The following SDHB variants were observed in gnomAD, a reference collection of about 807,000 sequenced individuals.
The protein encoded by SDHB is succinate dehydrogenase [ubiquinone] iron-sulfur subunit, mitochondrial.
In SDHB, 21 loss-of-function variants were observed where a neutral mutation model predicts 39.7. The ratio of observed to expected loss-of-function variants is 0.53; its 90% confidence interval spans 0.37 to 0.76. The LOEUF is 0.76. Ranked by LOEUF, SDHB falls within the 30% of genes least tolerant of loss-of-function variation. SDHB has a pLI of 0.00. For synonymous variants in SDHB, 118 were observed against 117.0 expected, an observed-to-expected ratio of 1.01 and a Z score of -0.06; for missense variants, 343 against 350.9, an observed-to-expected ratio of 0.98 and a Z score of 0.18.
intron 1 of SDHB, among the ~76,000 whole-genome samples, chr1:17,049,183 G>C (rs1414625310): frequency 6.6e-6 from 1 of 152,112 alleles, no homozygotes; most frequent in Non-Finnish European, 1.5e-5. Context: ...TAGAGACAGG[G>C]TCTTGCCATG....
At chr1:17,053,702 C>A (rs1284630290) in intron 1 of SDHB, among the ~76,000 whole-genome samples, 1 of 117,598 alleles carries the variant, frequency 8.5e-6, no homozygotes, top group Non-Finnish European at 1.8e-5. Flanking sequence ...TCTGAACGTC[C>A]CCCCCCCCCG....
At position 17,027,766 on chromosome 1, in the gene SDHB, C is replaced by T. The variant is rs202203339; in HGVS notation, c.523G>A (p.Glu175Lys). The T allele has an allele frequency of 1.3e-6, 2 of 1,598,306 alleles. No individual in the cohort carries two copies. Among genetic ancestry groups the T allele is most frequent in the Admixed American group, 1.7e-5 (1 of 60,006 alleles). The change falls in exon 5 of 8, where the codon GAA becomes AAA. Residue 175 changes from glutamate (E) to lysine (K), a missense_variant. By Grantham distance (56) the Glu-to-Lys change is moderately conservative. Transcript: ENST00000375499. ...CTAATGACCAGTTTCTCACGCTCTT[C>T]TATGGACTGCAGATACTGCTGCTTG... ...EGKQQYLQSIEEREKLDGLYE... is the reference protein window; with the variant it reads ...EGKQQYLQSIKEREKLDGLYE...
intron 2 of SDHB, among the ~76,000 whole-genome samples, chr1:17,038,688 T>G (rs2078062892): frequency 2.6e-5 from 4 of 152,262 alleles, no homozygotes; most frequent in Admixed American, 2.6e-4. Flanking sequence ...TGCTATTAGC[T>G]GTGATTTTCA....
At chr1:17,044,656 AT>A (rs1223087817) in intron 2 of SDHB, 104 bp downstream of exon 2, 1 of 1,335,036 alleles carries the variant, frequency 7.5e-7, no homozygotes, top group Non-Finnish European at 1.1e-6. Context: ...AAACAGAGCC[AT>A]CGGATGATCT....
At chr1:17,034,375 C>A (rs1331069150) in intron 2 of SDHB, among the ~76,000 whole-genome samples, 1 of 152,088 alleles carries the variant, frequency 6.6e-6, no homozygotes, top group Non-Finnish European at 1.5e-5. Flanking sequence ...TCTCTAACTC[C>A]TGGACTCAAG....
chr1:17,053,918 CT>C (rs2101551575), intron 1 of SDHB, 29 bp downstream of exon 1: 2 of 1,581,750 alleles, frequency 1.3e-6, no homozygotes, highest in Non-Finnish European at 1.7e-6. Flanking sequence ...GCTTTCCTGA[CT>C]TTTCCCTCTC....
chr1:17,027,873 TAAGAGG>T lies in SDHB; in HGVS notation c.424-14_424-9del. On this transcript the variant is annotated splice_polypyrimidine_tract_variant and intron_variant, in intron 4 of 7. Transcript: ENST00000375499. ...ATAGAAGTTGCTCAAATCCTGTGGT[TAAGAGG>T]AAGAAGAAGAAGAAGAAGAAGAAAA... is the stretch of plus-strand genomic sequence containing the variant. The T allele has an allele frequency of 6.9e-7, 1 of 1,456,034 alleles. No homozygotes were observed. The highest frequency in any genetic ancestry group is 1.4e-5 in the African/African-American group (1 of 71,884). 90.2% of individuals were successfully genotyped at this position (1,456,034 alleles called of 1,614,324 possible).
At chr1:17,028,839 A>C in intron 3 of SDHB, 103 bp from the exon 4 acceptor site, 5 of 1,348,086 alleles carry the variant, frequency 3.7e-6, no homozygotes, top group Non-Finnish European at 5.3e-6. Context: ...CAGGGGCAGC[A>C]CTGACATGCA....
intron 2 of SDHB, among the ~76,000 whole-genome samples, chr1:17,040,963 T>C (rs2078076974): frequency 6.6e-6 from 1 of 152,052 alleles, no homozygotes; most frequent in Non-Finnish European, 1.5e-5. Context: ...ACCTTGTCTT[T>C]ACTAAAAATA....
At position 17,029,093 on chromosome 1, in the gene SDHB, G is replaced by GTTTTTTTTTT. The variant is rs746243819; in HGVS notation, c.287-367_287-358dup. ...ACGTGTTTTGAAGAAAAATCAGCCT[G>GTTTTTTTTTT]TTTTTTTTTTTTTTTTTTTTTTTTT... is the stretch of plus-strand genomic sequence containing the variant. On this transcript the variant is annotated intron_variant, in intron 3 of 7. Coordinates refer to ENST00000375499, the MANE Select transcript of SDHB (RefSeq NM_003000.3). Among the ~76,000 whole-genome samples, 5 of 72,028 alleles carry GTTTTTTTTTT rather than the reference G, an allele frequency of 6.9e-5. 1 individual carries two copies. The highest frequency in any genetic ancestry group is 1.1e-3 in the East Asian group (2 of 1,870). The allele number at this position is 72,028 out of a possible 152,430, so 47.3% of individuals were successfully genotyped here. A position where few individuals can be genotyped will look rare whatever the true frequency, so the allele number is the denominator to read the frequency against.
chr1:17,044,983 A>T, intron 1 of SDHB, 95 bp from the exon 2 acceptor site: 1 of 1,090,968 alleles, frequency 9.2e-7, no homozygotes, highest in East Asian at 2.5e-5. Context: ...CTGGATATAA[A>T]CTCACACATT....
At chr1:17,033,293 T>G (rs2078033353) in intron 2 of SDHB, 148 bp from the exon 3 acceptor site, 1 of 699,294 alleles carries the variant, frequency 1.4e-6, no homozygotes, top group South Asian at 1.6e-5. Context: ...GTTTTGTTTT[T>G]GCAGATTCTT....
At chr1:17,023,899 G>A (rs1557739891) in intron 6 of SDHB, 74 bp downstream of exon 6, 8 of 1,140,678 alleles carry the variant, frequency 7.0e-6, no homozygotes, top group Non-Finnish European at 1.1e-5. Flanking sequence ...CTGGCTTACA[G>A]CAATCTATTG....
Position 17,045,055 on chromosome 1 carries a change from A to G in SDHB, c.73-167T>C, listed in dbSNP as rs2101541905. On this transcript the variant is annotated intron_variant, in intron 1 of 7. Coordinates refer to ENST00000375499, the MANE Select transcript of SDHB (RefSeq NM_003000.3). ...AATATCCAACAAGTATTAAGCACCT[A>G]TCATATGCTAATATATCAGACATGG... is the stretch of plus-strand genomic sequence containing the variant. The G allele has an allele frequency of 4.7e-6, 3 of 641,994 alleles. No homozygotes were observed. In the East Asian group the frequency reaches 8.3e-5, roughly 18 times the overall value. 39.8% of individuals were successfully genotyped at this position (641,994 alleles called of 1,614,324 possible).
chr1:17,026,604 A>T (rs1426061146), intron 5 of SDHB, among the ~76,000 whole-genome samples: 2 of 151,822 alleles, frequency 1.3e-5, no homozygotes, highest in African/African-American at 2.4e-5. Flanking sequence ...ACCTCAAGTG[A>T]TCCGCCCACC....
intron 6 of SDHB, chr1:17,023,245 G>A (rs2077972716): frequency 7.8e-6 from 2 of 255,888 alleles, no homozygotes; most frequent in Admixed American, 5.0e-5. Flanking sequence ...CATGACCATA[G>A]GCCTGCTCTA....
intron 1 of SDHB, among the ~76,000 whole-genome samples, chr1:17,045,653 C>G (rs1280033017): frequency 1.3e-5 from 2 of 151,978 alleles, no homozygotes; most frequent in African/African-American, 4.8e-5. Flanking sequence ...TCCAGGACTG[C>G]TAATTTTTAA....
At chr1:17,038,558 T>C (rs1003414499) in intron 2 of SDHB, among the ~76,000 whole-genome samples, 4 of 152,252 alleles carry the variant, frequency 2.6e-5, no homozygotes, top group African/African-American at 9.6e-5. Flanking sequence ...CTACTTCTTT[T>C]ACTTGCCTTT....
chr1:17,043,026 A>G (rs1321597939), intron 2 of SDHB, among the ~76,000 whole-genome samples: 1 of 122,936 alleles, frequency 8.1e-6, no homozygotes, highest in Non-Finnish European at 1.6e-5. Context: ...CAGTGGCACG[A>G]TCTCGGCTCA....
Sources: allele counts gnomAD v4.1 joint callset (sites outside exome capture counted in the v4.1 genomes callset), GRCh38; gene constraint gnomAD v4.1.1; transcripts MANE v1.5; gene names NCBI Gene and HGNC (gene_info 2026-07-23, HGNC 2026-07-21).